SLC4A4: variants seen among roughly 807,000 people sequenced by gnomAD.
The protein encoded by SLC4A4 is solute carrier family 4 member 4, also known as electrogenic sodium bicarbonate cotransporter 1.
A neutral mutation model predicts 111.5 loss-of-function variants in SLC4A4; 27 were observed. That is an observed-to-expected ratio of 0.24 (90% confidence interval 0.18 to 0.33). The LOEUF (loss-of-function observed/expected upper bound fraction) is 0.33, where lower values mean the gene tolerates loss of function less well. SLC4A4 is among the 10% of genes least tolerant of loss of function. The probability of loss-of-function intolerance (pLI) is 1.00; values close to 1 mark genes in which losing one functional copy is unlikely to be tolerated. For synonymous variants in SLC4A4, 443 were observed against 463.4 expected (o/e 0.96, Z 0.57); for missense variants, 909 against 1,315.5 (o/e 0.69, Z 4.78).
intron 1 of SLC4A4, among the ~76,000 whole-genome samples, chr4:71,087,018 G>A (rs1192955505): frequency 6.6e-6 from 1 of 152,014 alleles, no homozygotes; most frequent in Non-Finnish European, 1.5e-5. Context: ...GAATTCGGCT[G>A]CGAATCCATC....
At chr4:71,340,058 A>C (rs577457374) in intron 4 of SLC4A4, among the ~76,000 whole-genome samples, 2 of 151,866 alleles carry the variant, frequency 1.3e-5, no homozygotes, top group South Asian at 2.1e-4. Flanking sequence ...CTCTACAAAA[A>C]AAAAAAGAAA....
chr4:71,362,831 C>A (rs187612078), intron 6 of SLC4A4, among the ~76,000 whole-genome samples: 670 of 152,292 alleles, frequency 4.4e-3, no homozygotes, highest in Non-Finnish European at 7.4e-3. Flanking sequence ...CCAAGGAGAG[C>A]GGCTGGCTCC....
chr4:71,419,784 G>A (rs868468546), intron 7 of SLC4A4, among the ~76,000 whole-genome samples: 26 of 152,298 alleles, frequency 1.7e-4, no homozygotes, highest in Middle Eastern at 3.4e-3. Context: ...CCCGTCTTCT[G>A]CGTCACTCAT....
intron 12 of SLC4A4, among the ~76,000 whole-genome samples, chr4:71,455,154 A>T (rs151241258): frequency 1.5e-3 from 233 of 152,322 alleles, no homozygotes; most frequent in African/African-American, 5.2e-3. Context: ...AGAGAGGCTG[A>T]AAATTCTGAT....
At chr4:71,460,693 A>G (rs1442189259) in intron 12 of SLC4A4, among the ~76,000 whole-genome samples, 1 of 152,084 alleles carries the variant, frequency 6.6e-6, no homozygotes, top group African/African-American at 2.4e-5. Flanking sequence ...CTCCTTCCCC[A>G]ATGTAGATGA....
intron 6 of SLC4A4, among the ~76,000 whole-genome samples, chr4:71,389,440 G>T (rs1719065386): frequency 6.6e-6 from 1 of 152,000 alleles, no homozygotes; most frequent in African/African-American, 2.4e-5. Context: ...CTTTCCTTTA[G>T]CTGAGATCCT....
intron 2 of SLC4A4, among the ~76,000 whole-genome samples, chr4:71,147,562 G>A (rs1313062214): frequency 6.6e-6 from 1 of 152,268 alleles, no homozygotes; most frequent in Non-Finnish European, 1.5e-5. Context: ...CTCTATGATG[G>A]AGTACAGTTG....
At chr4:71,379,162 C>T (rs1212213979) in intron 6 of SLC4A4, among the ~76,000 whole-genome samples, 1 of 152,122 alleles carries the variant, frequency 6.6e-6, no homozygotes, top group African/African-American at 2.4e-5. Context: ...CACATCACTC[C>T]CTCTGCTCAA....
chr4:71,200,372 T>C (rs190677269), intron 1 of SLC4A4, among the ~76,000 whole-genome samples: 5 of 152,362 alleles, frequency 3.3e-5, no homozygotes, highest in Admixed American at 2.0e-4. Context: ...TTTTCTGATG[T>C]ACATCATTTT....
chr4:71,270,477 G>A (rs1161684020), intron 3 of SLC4A4, among the ~76,000 whole-genome samples: 2 of 152,184 alleles, frequency 1.3e-5, no homozygotes, highest in African/African-American at 4.8e-5. Context: ...ATGGCAAGTG[G>A]CTGCTACATT....
chr4:71,093,813 T>C (rs1176244643), intron 2 of SLC4A4, among the ~76,000 whole-genome samples: 1 of 152,230 alleles, frequency 6.6e-6, no homozygotes. Flanking sequence ...TTGCATCCTA[T>C]TATAATTTGC....
At chr4:71,067,114 T>C (rs1741536919) in intron 1 of SLC4A4, among the ~76,000 whole-genome samples, 1 of 135,592 alleles carries the variant, frequency 7.4e-6, no homozygotes, top group South Asian at 2.5e-4. Context: ...TGGGGAAGTC[T>C]CTCACACATG....
At chr4:71,226,316 C>A (rs1719046240) in intron 1 of SLC4A4, among the ~76,000 whole-genome samples, 1 of 152,154 alleles carries the variant, frequency 6.6e-6, no homozygotes, top group Non-Finnish European at 1.5e-5. Flanking sequence ...GGCTTTGCTT[C>A]TGGCTATTTA....
chr4:71,157,677 T>C lies in SLC4A4; in HGVS notation c.-2+64885T>C, dbSNP rs192529622. The stretch of plus-strand genomic sequence containing the variant: ...ATAATTTTCAGCCAGTTTTTGATTA[T>C]TCAAAGACCTTCTGATCTTTGGATT... On this transcript the variant is annotated intron_variant, in intron 2 of 26. Transcript: ENST00000649996. Among the ~76,000 whole-genome samples, 3 of 152,342 alleles carry C rather than the reference T, an allele frequency of 2.0e-5. No homozygotes were observed. The East Asian group carries it at 5.8e-4, about 29-fold the overall frequency.
chr4:71,415,240 A>G (rs1472751605), intron 7 of SLC4A4, among the ~76,000 whole-genome samples: 1 of 152,236 alleles, frequency 6.6e-6, no homozygotes, highest in Non-Finnish European at 1.5e-5. Context: ...ATTTCTTTTT[A>G]AAGTTCAGAT....
intron 16 of SLC4A4, among the ~76,000 whole-genome samples, chr4:71,515,234 A>G (rs2149181770): frequency 6.6e-6 from 1 of 152,150 alleles, no homozygotes; most frequent in South Asian, 2.1e-4. Flanking sequence ...TTGTTGACTC[A>G]AAGGTCATTC....
chr4:71,552,326 C>T (rs1170497539), intron 20 of SLC4A4, among the ~76,000 whole-genome samples: 1 of 151,620 alleles, frequency 6.6e-6, no homozygotes, highest in Non-Finnish European at 1.5e-5. Flanking sequence ...ATCAGGATCT[C>T]GTTCTGGATT....
At chr4:71,307,487 C>T (rs2148849054) in intron 3 of SLC4A4, among the ~76,000 whole-genome samples, 1 of 152,200 alleles carries the variant, frequency 6.6e-6, no homozygotes. Flanking sequence ...TAACTGGTTA[C>T]CAAGGGTTAA....
intron 16 of SLC4A4, among the ~76,000 whole-genome samples, chr4:71,505,238 G>A (rs1731302682): frequency 6.6e-6 from 1 of 151,978 alleles, no homozygotes; most frequent in Non-Finnish European, 1.5e-5. Flanking sequence ...TCCTTTGGGT[G>A]TATATCCTGT....
Sources: allele counts gnomAD v4.1 joint callset (sites outside exome capture counted in the v4.1 genomes callset), GRCh38; gene constraint gnomAD v4.1.1; transcripts MANE v1.5; gene names NCBI Gene and HGNC (gene_info 2026-07-23, HGNC 2026-07-21).